The following WDR35 variants were observed in gnomAD, a reference collection of about 807,000 sequenced individuals.
The protein encoded by WDR35 is WD repeat domain 35.
A neutral mutation model predicts 158.3 loss-of-function variants in WDR35; 118 were observed. The observed-to-expected ratio is 0.75, with a 90% confidence interval of 0.64 to 0.87. The LOEUF (loss-of-function observed/expected upper bound fraction) is 0.87, where lower values mean the gene tolerates loss of function less well. Among genes scored for constraint, WDR35 ranks in the 40% least tolerant of loss-of-function variants. WDR35 has a pLI of 0.00. For missense variants in WDR35, 1,263 were observed against 1,405.8 expected (o/e 0.90, Z 1.62); for synonymous variants, 448 against 476.1 (o/e 0.94, Z 0.77).
At position 19,951,367 on chromosome 2, in the gene WDR35, T is replaced by A; in HGVS notation, c.1470+48A>T. 1.4e-6 allele frequency: 2 copies of A among 1,419,306 alleles called. 1 individual carries two copies. Among genetic ancestry groups the A allele is most frequent in the Non-Finnish European group, 2.0e-6 (2 of 1,022,466 alleles). The allele number at this position is 1,419,306 out of a possible 1,614,324, so 87.9% of individuals were successfully genotyped here. On this transcript the variant is annotated intron_variant, in intron 13 of 26. Coordinates refer to ENST00000281405, the MANE Select transcript of WDR35 (RefSeq NM_020779.4). ...GGTTTCAAAATAAAATTATAATATT[T>A]CAAATCTACAGATATTAACATTTTC... is the stretch of plus-strand genomic sequence containing the variant.
Position 19,941,814 on chromosome 2 carries a change from A to C in WDR35, c.1871T>G (p.Ile624Ser), listed in dbSNP as rs139252416. 3.9e-5 allele frequency: 62 copies of C among 1,574,206 alleles called. No individual in the cohort carries two copies. The South Asian group carries it at 4.8e-4, about 12-fold the overall frequency. Residue 624 changes from isoleucine to serine, a missense_variant, in exon 17 of 27, where the codon ATT becomes AGT. By Grantham distance (142) the Ile-to-Ser change is moderately radical (BLOSUM62 -2). Coordinates refer to ENST00000281405, the MANE Select transcript of WDR35 (RefSeq NM_020779.4). ...PEEPIQTSGY[I>S]CNFEDLEIKS... ...AATTTCTAAATCCTCAAAATTACAA[A>C]TATATCCAGAGGTCTGAATGGGTTC...
In WDR35 at chr2:19,931,423, C is replaced by A. The variant is rs1191779; in HGVS notation, c.2824-14G>T. 1,601,260 of 1,612,746 alleles carry A rather than the reference C, an allele frequency of 0.99. 795,306 individuals carry two copies. The highest frequency in any genetic ancestry group is 1 in the East Asian group (44,707 of 44,716). On this transcript the variant is annotated splice_polypyrimidine_tract_variant and intron_variant, in intron 23 of 26. Transcript: ENST00000281405. ...TTCATCTGCAATCTTAAACATTTTTCAAAATTGAGGGAAGTTACTTCTTAT... is the reference window on the plus strand; with the variant it reads ...TTCATCTGCAATCTTAAACATTTTTAAAAATTGAGGGAAGTTACTTCTTAT...
intron 14 of WDR35, 50 bp from the exon 15 acceptor site, chr2:19,946,620 T>C: frequency 6.6e-7 from 1 of 1,511,902 alleles, no homozygotes; most frequent in Non-Finnish European, 9.2e-7. Flanking sequence ...CATAATAATA[T>C]TAAACTACAA....
intron 11 of WDR35, 92 bp from the exon 12 acceptor site, chr2:19,954,070 C>T (rs573462571): frequency 8.1e-5 from 119 of 1,461,950 alleles, no homozygotes; most frequent in Admixed American, 2.2e-4. Context: ...GAGTTCAACC[C>T]CTCATTTTAT....
chr2:19,919,821 AATAG>A (rs1245932329), intron 25 of WDR35, among the ~76,000 whole-genome samples: 2 of 152,184 alleles, frequency 1.3e-5, no homozygotes, highest in Non-Finnish European at 2.9e-5. Flanking sequence ...ACAACAACAA[AATAG>A]ATAGACCACT....
chr2:19,971,191 A>G (rs773118222), intron 8 of WDR35, among the ~76,000 whole-genome samples: 1 of 152,220 alleles, frequency 6.6e-6, no homozygotes, highest in Non-Finnish European at 1.5e-5. Flanking sequence ...CAAAATTTCA[A>G]TGAACTTTAC....
chr2:19,984,677 A>T (rs529995031), intron 2 of WDR35, among the ~76,000 whole-genome samples: 1 of 152,382 alleles, frequency 6.6e-6, no homozygotes, highest in South Asian at 2.1e-4. Context: ...AAGGTATGAC[A>T]TAGAAGAACA....
intron 25 of WDR35, among the ~76,000 whole-genome samples, chr2:19,923,705 C>T (rs1439143292): frequency 6.6e-6 from 1 of 152,116 alleles, no homozygotes; most frequent in Non-Finnish European, 1.5e-5. Context: ...TCTATTCAGG[C>T]AGGAATTCAG....
At chr2:19,929,451 C>A (rs1487971838) in intron 25 of WDR35, among the ~76,000 whole-genome samples, 1 of 152,106 alleles carries the variant, frequency 6.6e-6, no homozygotes, top group African/African-American at 2.4e-5. Context: ...GGTGGGGTGT[C>A]ATGACAGTGC....
At chr2:19,942,212 A>C (rs1241942241) in intron 16 of WDR35, among the ~76,000 whole-genome samples, 3 of 148,276 alleles carry the variant, frequency 2.0e-5, no homozygotes, top group Non-Finnish European at 4.5e-5. Context: ...TCAATTAATA[A>C]AAAGTCATAT....
chr2:19,967,194 A>G (rs1329273135), intron 9 of WDR35, among the ~76,000 whole-genome samples: 1 of 152,204 alleles, frequency 6.6e-6, no homozygotes, highest in Admixed American at 6.5e-5. Context: ...ATTTTCAATA[A>G]TCAATAATAA....
chr2:19,928,507 C>T (rs1195546217), intron 25 of WDR35, among the ~76,000 whole-genome samples: 3 of 152,130 alleles, frequency 2.0e-5, no homozygotes, highest in East Asian at 1.9e-4. Context: ...GAGCTGGTCT[C>T]GGCACATTAA....
chr2:19,931,232 T>G (rs373570196), intron 24 of WDR35, 37 bp downstream of exon 24: 227 of 1,601,976 alleles, frequency 1.4e-4, no homozygotes, highest in Non-Finnish European at 1.9e-4. Context: ...TCTTAAACAC[T>G]TCCAATGATG....
intron 24 of WDR35, 124 bp downstream of exon 24, chr2:19,931,145 T>G: frequency 8.8e-7 from 1 of 1,136,292 alleles, no homozygotes; most frequent in East Asian, 2.6e-5. Flanking sequence ...CTTCATATCA[T>G]TTAAGGAAAC....
chr2:19,930,928 ACATT>A (rs1236346948), intron 24 of WDR35, among the ~76,000 whole-genome samples: 1 of 152,236 alleles, frequency 6.6e-6, no homozygotes, highest in Non-Finnish European at 1.5e-5. Flanking sequence ...AGTTAATCAG[ACATT>A]CATTTACGCA....
intron 25 of WDR35, among the ~76,000 whole-genome samples, chr2:19,922,970 TA>T (rs1298762496): frequency 6.6e-6 from 1 of 152,250 alleles, no homozygotes; most frequent in African/African-American, 2.4e-5. Flanking sequence ...ATCTGTGCCT[TA>T]AGGACATGCT....
intron 21 of WDR35, among the ~76,000 whole-genome samples, 174 bp from the exon 22 acceptor site, chr2:19,933,685 C>T (rs1415481785): frequency 6.6e-6 from 1 of 152,170 alleles, no homozygotes; most frequent in East Asian, 1.9e-4. Context: ...GCTAAGGCAT[C>T]ACTTCTATAA....
intron 13 of WDR35, among the ~76,000 whole-genome samples, chr2:19,948,958 T>C (rs770802433): frequency 1.3e-4 from 20 of 151,000 alleles, no homozygotes; most frequent in Non-Finnish European, 2.2e-4. Flanking sequence ...AGATCCCTTA[T>C]GGTGATAAAA....
chr2:19,946,685 A>G (rs1245333831), intron 14 of WDR35, 115 bp from the exon 15 acceptor site: 12 of 879,990 alleles, frequency 1.4e-5, no homozygotes, highest in Non-Finnish European at 2.2e-5. Context: ...TGTCACAGCA[A>G]ATTCTCAATT....
Sources: gnomAD v4.1 joint callset for allele counts (sites outside exome capture counted in the v4.1 genomes callset) on GRCh38, gnomAD v4.1.1 for gene constraint, MANE v1.5 for transcripts, NCBI Gene and HGNC (gene_info 2026-07-23, HGNC 2026-07-21) for gene names.